Variants in KMT2C observed in about 807,000 individuals in gnomAD.
KMT2C encodes the protein histone-lysine N-methyltransferase 2C.
KMT2C carries 88 observed loss-of-function variants against 507.9 expected under a neutral mutation model. That is an observed-to-expected ratio of 0.17 (90% CI 0.15 to 0.21). The LOEUF (loss-of-function observed/expected upper bound fraction) is 0.21, where lower values mean the gene tolerates loss of function less well. Ranked by LOEUF, KMT2C falls within the 10% of genes least tolerant of loss-of-function variation. The probability of loss-of-function intolerance (pLI) is 1.00; values close to 1 mark genes in which losing one functional copy is unlikely to be tolerated. For missense variants in KMT2C, 4,954 were observed against 5,957.8 expected (o/e 0.83, Z 5.55); for synonymous variants, 2,049 against 2,080.8 (o/e 0.98, Z 0.42).
chr7:152,339,789 C>T (rs1333639406), intron 2 of KMT2C, among the ~76,000 whole-genome samples: 1 of 151,616 alleles, frequency 6.6e-6, no homozygotes, highest in Non-Finnish European at 1.5e-5. Flanking sequence ...GAATGATGTT[C>T]GATAGTTGCT....
chr7:152,182,761 T>C (rs2093475506), intron 35 of KMT2C, among the ~76,000 whole-genome samples, 167 bp from the exon 36 acceptor site: 1 of 152,238 alleles, frequency 6.6e-6, no homozygotes, highest in Non-Finnish European at 1.5e-5. Context: ...CATCATGGTA[T>C]GTTCCATTTG....
chr7:152,254,942 C>G (rs965978396), intron 9 of KMT2C, among the ~76,000 whole-genome samples: 2 of 151,356 alleles, frequency 1.3e-5, no homozygotes, highest in Non-Finnish European at 2.9e-5. Flanking sequence ...CCATTTATAA[C>G]AGCAGAAAAA....
intron 3 of KMT2C, among the ~76,000 whole-genome samples, chr7:152,318,650 AG>A (rs1554642069): frequency 7.5e-6 from 1 of 133,148 alleles, no homozygotes; most frequent in Non-Finnish European, 1.5e-5. Flanking sequence ...AAAAAAAAAT[AG>A]GTGCAAAAAA....
chr7:152,198,795 C>T (rs1224618507), intron 27 of KMT2C, among the ~76,000 whole-genome samples: 1 of 152,040 alleles, frequency 6.6e-6, no homozygotes, highest in African/African-American at 2.4e-5. Context: ...CAGAAAGGCT[C>T]CCTCCCACAA....
intron 43 of KMT2C, 27 bp downstream of exon 43, chr7:152,162,090 G>T (rs1219972039): frequency 4.0e-6 from 6 of 1,498,742 alleles, no homozygotes; most frequent in Non-Finnish European, 5.3e-6. Flanking sequence ...AAAGAAAAAA[G>T]TTGTCGTTTT....
intron 1 of KMT2C, among the ~76,000 whole-genome samples, chr7:152,387,333 A>G (rs2097438125): frequency 6.6e-6 from 1 of 152,004 alleles, no homozygotes; most frequent in African/African-American, 2.4e-5. Context: ...CAAAAATAGA[A>G]TATAATGAAA....
At chr7:152,263,962 A>T (rs1223898955) in intron 8 of KMT2C, among the ~76,000 whole-genome samples, 1 of 152,182 alleles carries the variant, frequency 6.6e-6, no homozygotes, top group African/African-American at 2.4e-5. Flanking sequence ...GGGGATAAAT[A>T]GATGTCAACA....
In KMT2C at chr7:152,196,055, A is replaced by G. The variant is rs200426924; in HGVS notation, c.4274-44T>C. 203 of 1,211,730 alleles carry G rather than the reference A, an allele frequency of 1.7e-4. 1 individual carries two copies. Among genetic ancestry groups the G allele is most frequent in the Non-Finnish European group, 2.1e-4 (178 of 859,372 alleles). 75.1% of individuals were successfully genotyped at this position (1,211,730 alleles called of 1,614,324 possible). ...TTTTTTAAAATTTCAGTATTTTCTC[A>G]GATATTAAGCCATTTGCTAAAAACC... On this transcript the variant is annotated intron_variant, in intron 27 of 58. Transcript: ENST00000262189.
intron 1 of KMT2C, among the ~76,000 whole-genome samples, chr7:152,362,377 A>C (rs568504815): frequency 2.0e-5 from 3 of 152,206 alleles, no homozygotes; most frequent in African/African-American, 7.2e-5. Context: ...AGAAGGCATG[A>C]GGTCTAAGAA....
chr7:152,281,160 A>C (rs2096201618), intron 6 of KMT2C, among the ~76,000 whole-genome samples: 1 of 152,196 alleles, frequency 6.6e-6, no homozygotes, highest in South Asian at 2.1e-4. Flanking sequence ...AGAAATGTAA[A>C]AACTTCTATG....
intron 52 of KMT2C, among the ~76,000 whole-genome samples, 162 bp from the exon 53 acceptor site, chr7:152,146,897 T>C (rs928445850): frequency 1.1e-4 from 16 of 152,220 alleles, no homozygotes; most frequent in African/African-American, 7.2e-5. Context: ...AATGAACCTG[T>C]TTATTAAATG....
intron 2 of KMT2C, among the ~76,000 whole-genome samples, chr7:152,348,417 T>G (rs1362899506): frequency 6.6e-6 from 1 of 150,566 alleles, no homozygotes; most frequent in Non-Finnish European, 1.5e-5. Context: ...ACCAACATGG[T>G]GAAACCCCGT....
Position 152,435,979 on chromosome 7 carries a change from ACACATCGGCGCGGGCGCGCG to A in KMT2C, c.-213_-194del, listed in dbSNP as rs2097913499. 2.9e-6 allele frequency: 1 copy of A among 341,814 alleles called. No homozygotes were observed. The highest frequency in any genetic ancestry group is 5.2e-5 in the Admixed American group (1 of 19,054). The allele number at this position is 341,814 out of a possible 1,614,324, so 21.2% of individuals were successfully genotyped here. A position where few individuals can be genotyped will look rare whatever the true frequency, so the allele number is the denominator to read the frequency against. On this transcript the variant is annotated 5_prime_UTR_variant, in exon 1 of 59. It removes an upstream start codon present in the reference 5' UTR. Transcript: ENST00000262189. ...TGGAGCGAGCAGGACACGCACTCAC[ACACATCGGCGCGGGCGCGCG>A]CACCTCCGCGCGCAGGGGCCGGGCG...
At chr7:152,349,747 T>C (rs556439851) in intron 2 of KMT2C, among the ~76,000 whole-genome samples, 49 of 152,128 alleles carry the variant, frequency 3.2e-4, no homozygotes, top group Admixed American at 2.6e-3. Flanking sequence ...TCCAAACCCA[T>C]AGAATGTAAA....
At chr7:152,413,348 A>G (rs1314896486) in intron 1 of KMT2C, among the ~76,000 whole-genome samples, 2 of 152,128 alleles carry the variant, frequency 1.3e-5, no homozygotes, top group Non-Finnish European at 2.9e-5. Context: ...CCTGAGCTGA[A>G]GCAATCCGCC....
chr7:152,335,344 C>T (rs534269059), intron 2 of KMT2C, among the ~76,000 whole-genome samples: 1 of 152,194 alleles, frequency 6.6e-6, no homozygotes, highest in South Asian at 2.1e-4. Context: ...TTGGGATATA[C>T]CCATTTTATA....
intron 3 of KMT2C, among the ~76,000 whole-genome samples, chr7:152,330,161 A>AGGGGGGGAG (rs2096868216): frequency 1.5e-4 from 1 of 6,626 alleles, no homozygotes; most frequent in African/African-American, 6.2e-4. Context: ...GGAGGGGGGG[A>AGGGGGGGAG]GGGGTGGTGG....
chr7:152,308,304 T>C (rs1303255418), intron 6 of KMT2C, among the ~76,000 whole-genome samples: 4 of 152,146 alleles, frequency 2.6e-5, no homozygotes. Context: ...TTAAAGCCCA[T>C]ATAGTTTCTA....
chr7:152,235,330 T>C (rs2095245471), intron 16 of KMT2C, among the ~76,000 whole-genome samples: 1 of 152,066 alleles, frequency 6.6e-6, no homozygotes, highest in Non-Finnish European at 1.5e-5. Flanking sequence ...GAATCTAAGC[T>C]TCCTTATTCC....
Sources: allele counts gnomAD v4.1 joint callset (sites outside exome capture counted in the v4.1 genomes callset), GRCh38; gene constraint gnomAD v4.1.1; transcripts MANE v1.5; gene names NCBI Gene and HGNC (gene_info 2026-07-23, HGNC 2026-07-21).